The following COL19A1 variants were observed in gnomAD, a reference collection of about 807,000 sequenced individuals.
COL19A1 encodes collagen type XIX alpha 1 chain.
COL19A1 carries 159 observed loss-of-function variants against 190.2 expected under a neutral mutation model. The observed-to-expected ratio is 0.84, with a 90% CI of 0.73 to 0.95. The LOEUF (loss-of-function observed/expected upper bound fraction) is 0.95, where lower values mean the gene tolerates loss of function less well. Among genes scored for constraint, COL19A1 ranks in the 40% least tolerant of loss-of-function variants. The pLI, the probability that COL19A1 is intolerant of heterozygous loss-of-function variation, is 0.00. For synonymous variants in COL19A1, 509 were observed against 458.9 expected, an observed-to-expected ratio of 1.11 and a Z score of -1.39; for missense variants, 1,418 against 1,431.9, an observed-to-expected ratio of 0.99 and a Z score of 0.16.
chr6:70,198,280 C>T (rs535043026), intron 48 of COL19A1, among the ~76,000 whole-genome samples: 3 of 152,132 alleles, frequency 2.0e-5, no homozygotes, highest in African/African-American at 7.2e-5. Flanking sequence ...GTAAAAAAAA[C>T]TTTTCTGGAA....
chr6:70,174,603 G>A (rs1765698415), intron 41 of COL19A1, among the ~76,000 whole-genome samples: 1 of 152,024 alleles, frequency 6.6e-6, no homozygotes, highest in Non-Finnish European at 1.5e-5. Context: ...TGCTTTTCCA[G>A]CCATGTTCAG....
At chr6:70,109,557 TG>T (rs1405717963) in intron 16 of COL19A1, among the ~76,000 whole-genome samples, 3 of 150,304 alleles carry the variant, frequency 2.0e-5, no homozygotes, top group Non-Finnish European at 3.0e-5. Flanking sequence ...TGTGTGTGTG[TG>T]TGTGTGTGTG....
chr6:70,110,219 C>T (rs562404249), intron 16 of COL19A1, among the ~76,000 whole-genome samples: 158 of 152,222 alleles, frequency 1.0e-3, no homozygotes, highest in Non-Finnish European at 1.7e-3. Context: ...CATTTTGAAG[C>T]TCATCATGTA....
At chr6:69,954,288 T>C (rs1342794202) in intron 9 of COL19A1, among the ~76,000 whole-genome samples, 1 of 152,002 alleles carries the variant, frequency 6.6e-6, no homozygotes, top group Non-Finnish European at 1.5e-5. Flanking sequence ...AAATGTGAGC[T>C]CCTGGAGTAG....
rs1028293431 is a variant in COL19A1 at position 70,208,186 on chromosome 6, C to T, written c.*912C>T. On this transcript the variant is annotated 3_prime_UTR_variant, in exon 51 of 51. Coordinates refer to ENST00000620364, the MANE Select transcript of COL19A1 (RefSeq NM_001858.6). Reference sequence around the variant, plus strand: ...CAGTGGCCTAGCAAGATCTTTGGGCCCTTGTATCCATTATCCTTATGACCT... The same window carrying T: ...CAGTGGCCTAGCAAGATCTTTGGGCTCTTGTATCCATTATCCTTATGACCT... 3.3e-5 allele frequency: 5 copies of T among 152,272 alleles called. No individual in the cohort carries two copies. In the East Asian group the frequency reaches 9.7e-4, roughly 29 times the overall value. 9.4% of individuals were successfully genotyped at this position (152,272 alleles called of 1,614,324 possible). A position where few individuals can be genotyped will look rare whatever the true frequency, so the allele number is the denominator to read the frequency against.
chr6:70,066,244 A>G (rs1214192632), intron 14 of COL19A1, among the ~76,000 whole-genome samples: 1 of 152,210 alleles, frequency 6.6e-6, no homozygotes, highest in Non-Finnish European at 1.5e-5. Flanking sequence ...TGTGGCACAT[A>G]TACACCATGG....
chr6:70,025,288 C>A (rs1778673646), intron 12 of COL19A1, among the ~76,000 whole-genome samples: 1 of 152,170 alleles, frequency 6.6e-6, no homozygotes, highest in South Asian at 2.1e-4. Context: ...CGTCGGCCTC[C>A]CAAAGTGCTG....
chr6:69,896,543 C>CAAAAAAAAAAAAAAAAAA (rs61409385), intron 2 of COL19A1, among the ~76,000 whole-genome samples: 3 of 71,684 alleles, frequency 4.2e-5, no homozygotes, highest in Admixed American at 1.7e-4. Flanking sequence ...GACTCCGTCT[C>CAAAAAAAAAAAAAAAAAA]AAAAAAAAAA....
At chr6:69,951,715 C>A (rs1774133559) in intron 9 of COL19A1, among the ~76,000 whole-genome samples, 1 of 151,786 alleles carries the variant, frequency 6.6e-6, no homozygotes, top group Non-Finnish European at 1.5e-5. Flanking sequence ...CTATCAGGAG[C>A]CTTCTTCACA....
intron 40 of COL19A1, among the ~76,000 whole-genome samples, chr6:70,170,125 G>A (rs559048020): frequency 1.6e-4 from 25 of 152,128 alleles, no homozygotes; most frequent in African/African-American, 6.0e-4. Context: ...AGTGAGTGAA[G>A]CACAGAAACA....
At chr6:69,983,610 C>G (rs1041098563) in intron 11 of COL19A1, among the ~76,000 whole-genome samples, 1 of 151,830 alleles carries the variant, frequency 6.6e-6, no homozygotes, top group African/African-American at 2.4e-5. Context: ...TTGTAGAGAC[C>G]CTTTCTTAGA....
chr6:70,166,002 T>C lies in COL19A1; in HGVS notation c.2445+17T>C, dbSNP rs747432667. 6.8e-6 allele frequency: 11 copies of C among 1,610,088 alleles called. No individual in the cohort carries two copies. ...GGACCACCTGTGAGTTGTTCTAGGC[T>C]TAAAATTTAAAATTCATGTGTTTAC... On this transcript the variant is annotated intron_variant, in intron 37 of 50. Coordinates refer to ENST00000620364, the MANE Select transcript of COL19A1 (RefSeq NM_001858.6).
rs1767956829 is a variant in COL19A1, at chr6:70,207,376, T to TC, written c.*102_*103insC. ...CATCTGTGGGTTGCTTTTTTTTTTT[T>TC]TTTTTTTTTTTGGGAGTAAGCCAGG... On this transcript the variant is annotated 3_prime_UTR_variant, in exon 51 of 51. Coordinates refer to ENST00000620364, the MANE Select transcript of COL19A1 (RefSeq NM_001858.6). 1 of 1,230,326 alleles carries TC rather than the reference T, an allele frequency of 8.1e-7. No individual in the cohort carries two copies. The highest frequency in any genetic ancestry group is 2.6e-5 in the East Asian group (1 of 39,052). 76.2% of individuals were successfully genotyped at this position (1,230,326 alleles called of 1,614,324 possible). A position where few individuals can be genotyped will look rare whatever the true frequency, so the allele number is the denominator to read the frequency against.
intron 4 of COL19A1, among the ~76,000 whole-genome samples, chr6:69,904,943 G>A (rs1310699520): frequency 6.6e-6 from 1 of 152,036 alleles, no homozygotes; most frequent in African/African-American, 2.4e-5. Flanking sequence ...CTCTGCTGGT[G>A]GAGGTGCGTT....
At chr6:69,878,967 T>C (rs779934946) in intron 1 of COL19A1, among the ~76,000 whole-genome samples, 18 of 152,192 alleles carry the variant, frequency 1.2e-4, no homozygotes, top group Non-Finnish European at 2.6e-4. Context: ...ACTGAATGAT[T>C]CCACTTATAT....
chr6:69,892,848 GC>G (rs904227609), intron 2 of COL19A1, among the ~76,000 whole-genome samples: 1 of 152,206 alleles, frequency 6.6e-6, no homozygotes, highest in Non-Finnish European at 1.5e-5. Context: ...TCCAGTCTAA[GC>G]CTTGGTAAAA....
intron 12 of COL19A1, among the ~76,000 whole-genome samples, chr6:70,024,932 G>T (rs1293933410): frequency 6.6e-6 from 1 of 152,114 alleles, no homozygotes; most frequent in South Asian, 2.1e-4. Context: ...GAGTTCTGGA[G>T]TAGAAAGCCA....
At chr6:70,081,688 G>A (rs535273582) in intron 15 of COL19A1, among the ~76,000 whole-genome samples, 2 of 152,254 alleles carry the variant, frequency 1.3e-5, no homozygotes, top group African/African-American at 4.8e-5. Flanking sequence ...TTTATTTTGA[G>A]ATAATGTGGA....
chr6:70,199,463 C>T (rs1316301095), intron 48 of COL19A1, 145 bp from the exon 49 acceptor site: 2 of 553,434 alleles, frequency 3.6e-6, no homozygotes, highest in Non-Finnish European at 5.6e-6. Flanking sequence ...AATCAAAAAA[C>T]TCAGCAGTCA....
Sources: gnomAD v4.1 joint callset for allele counts (sites outside exome capture counted in the v4.1 genomes callset) on GRCh38, gnomAD v4.1.1 for gene constraint, MANE v1.5 for transcripts, NCBI Gene and HGNC (gene_info 2026-07-23, HGNC 2026-07-21) for gene names.